Variants in FGF12 observed in about 807,000 individuals in gnomAD.
FGF12 encodes fibroblast growth factor 12B.
Under a neutral mutation model 23.6 loss-of-function variants are expected in FGF12, and 14 were observed. The ratio of observed to expected loss-of-function variants is 0.59; its 90% CI spans 0.39 to 0.93. FGF12 has a LOEUF of 0.93. FGF12 is among the 40% of genes least tolerant of loss of function. The pLI, the probability that FGF12 is intolerant of heterozygous loss-of-function variation, is 0.00. For synonymous variants in FGF12, 62 were observed against 77.3 expected (o/e 0.80, Z 1.04); for missense variants, 175 against 217.8 (o/e 0.80, Z 1.24).
intron 2 of FGF12, among the ~76,000 whole-genome samples, chr3:192,662,403 A>G (rs1004029778): frequency 1.3e-5 from 2 of 152,166 alleles, no homozygotes; most frequent in African/African-American, 4.8e-5. Flanking sequence ...AGCCTCCAAT[A>G]ACTTCAATAA....
intron 2 of FGF12, among the ~76,000 whole-genome samples, chr3:192,712,236 T>C (rs1718711788): frequency 6.6e-6 from 1 of 150,792 alleles, no homozygotes; most frequent in African/African-American, 2.4e-5. Flanking sequence ...ATCCAAAATA[T>C]AAACAAGTAA....
intron 2 of FGF12, among the ~76,000 whole-genome samples, chr3:192,682,240 A>C (rs1169899519): frequency 6.6e-6 from 1 of 152,236 alleles, no homozygotes; most frequent in South Asian, 2.1e-4. Context: ...CAGACACCCA[A>C]TATTATCTGC....
intron 2 of FGF12, among the ~76,000 whole-genome samples, chr3:192,709,187 T>G (rs1718585653): frequency 6.6e-6 from 1 of 152,148 alleles, no homozygotes; most frequent in African/African-American, 2.4e-5. Context: ...TCCCCTGAAT[T>G]TGCTGGCTGA....
At chr3:192,397,673 G>T (rs1319893157) in intron 2 of FGF12, among the ~76,000 whole-genome samples, 1 of 152,178 alleles carries the variant, frequency 6.6e-6, no homozygotes, top group Admixed American at 6.5e-5. Flanking sequence ...CTCTGTGGGT[G>T]ACTCTGGGTG....
chr3:192,441,113 G>A (rs1378943903), intron 2 of FGF12, among the ~76,000 whole-genome samples: 1 of 152,150 alleles, frequency 6.6e-6, no homozygotes, highest in Non-Finnish European at 1.5e-5. Context: ...TGCCAGTATT[G>A]CCACTTAACT....
At chr3:192,379,379 C>T (rs1466982773) in intron 2 of FGF12, among the ~76,000 whole-genome samples, 1 of 149,710 alleles carries the variant, frequency 6.7e-6, no homozygotes, top group Non-Finnish European at 1.5e-5. Context: ...ATAAGAAATC[C>T]CTACACCTTC....
intron 2 of FGF12, among the ~76,000 whole-genome samples, chr3:192,619,940 G>T (rs757535522): frequency 2.0e-5 from 3 of 152,106 alleles, no homozygotes; most frequent in Non-Finnish European, 2.9e-5. Context: ...TAACCCTTGG[G>T]GACAGGTAGC....
At chr3:192,343,321 T>A (rs550226186) in intron 3 of FGF12, among the ~76,000 whole-genome samples, 30 of 152,256 alleles carry the variant, frequency 2.0e-4, no homozygotes, top group Middle Eastern at 6.8e-3. Flanking sequence ...ATTTCCCACA[T>A]CTCAAAATGT....
chr3:192,219,661 C>A (rs1266426366), intron 4 of FGF12, among the ~76,000 whole-genome samples: 11 of 151,990 alleles, frequency 7.2e-5, no homozygotes, highest in Admixed American at 2.6e-4. Flanking sequence ...TGCAAATTAT[C>A]AGGCCATATC....
intron 2 of FGF12, among the ~76,000 whole-genome samples, chr3:192,575,808 G>A (rs1425208390): frequency 6.6e-5 from 10 of 151,830 alleles, no homozygotes; most frequent in Non-Finnish European, 1.3e-4. Context: ...GTAGGGTGTT[G>A]AGAAGCTTTA....
intron 4 of FGF12, among the ~76,000 whole-genome samples, chr3:192,246,607 T>C (rs1430813073): frequency 6.6e-6 from 1 of 152,016 alleles, no homozygotes; most frequent in Non-Finnish European, 1.5e-5. Flanking sequence ...GTGGATCACC[T>C]GAGGTCAGGA....
intron 4 of FGF12, among the ~76,000 whole-genome samples, chr3:192,302,178 G>C (rs1715387152): frequency 6.6e-6 from 1 of 152,158 alleles, no homozygotes; most frequent in Admixed American, 6.6e-5. Context: ...AGCCCTCTGG[G>C]TGGCCTTAGG....
intron 2 of FGF12, among the ~76,000 whole-genome samples, chr3:192,588,349 C>CAAAAAAAAAAAAAAA (rs1201739223): frequency 1.5e-5 from 1 of 66,982 alleles, no homozygotes; most frequent in Non-Finnish European, 2.8e-5. Context: ...CAATCCGTCT[C>CAAAAAAAAAAAAAAA]AAAAAAAAAA....
chr3:192,337,118 T>C (rs1560075914), intron 3 of FGF12, among the ~76,000 whole-genome samples: 2 of 152,166 alleles, frequency 1.3e-5, no homozygotes, highest in Non-Finnish European at 2.9e-5. Flanking sequence ...AGACAAAGTC[T>C]AGTTGGGGAG....
chr3:192,174,810 T>C (rs984760431), intron 4 of FGF12, among the ~76,000 whole-genome samples: 1 of 152,056 alleles, frequency 6.6e-6, no homozygotes, highest in Non-Finnish European at 1.5e-5. Context: ...TTTAGGTAAG[T>C]GATTACAATT....
chr3:192,618,169 TA>T (rs1246307008), intron 2 of FGF12, among the ~76,000 whole-genome samples: 1 of 151,848 alleles, frequency 6.6e-6, no homozygotes, highest in African/African-American at 2.4e-5. Context: ...TTTCTTATTG[TA>T]CGTTTTTCTG....
chr3:192,408,892 T>A lies in FGF12; in HGVS notation c.14-48354A>T, dbSNP rs1024678504. ...TCCCAGCAGGGTGAGGTCTACAGAA[T>A]GCATCGCGCCGGCTGCGGCTTTCCA... is the stretch of plus-strand genomic sequence containing the variant. On this transcript the variant is annotated intron_variant, in intron 2 of 5. Transcript: ENST00000445105. The surrounding 1 kb of genome is among the most constrained non-coding windows in gnomAD (Gnocchi z 7.3). 1 of 985,302 alleles carries A rather than the reference T, an allele frequency of 1.0e-6. No homozygotes were observed. The highest frequency in any genetic ancestry group is 1.2e-6 in the Non-Finnish European group (1 of 829,960). 61.0% of individuals were successfully genotyped at this position (985,302 alleles called of 1,614,324 possible).
chr3:192,383,660 G>T (rs989316422), intron 2 of FGF12, among the ~76,000 whole-genome samples: 1 of 152,048 alleles, frequency 6.6e-6, no homozygotes, highest in African/African-American at 2.4e-5. Context: ...TTGTGCAAAG[G>T]TGTTTAGGTT....
At chr3:192,428,458 A>G (rs945793575) in intron 2 of FGF12, among the ~76,000 whole-genome samples, 2 of 152,148 alleles carry the variant, frequency 1.3e-5, no homozygotes, top group African/African-American at 4.8e-5. Context: ...TGTCAAACAG[A>G]TAATTATGAG....
Sources: gnomAD v4.1 joint callset for allele counts (sites outside exome capture counted in the v4.1 genomes callset) on GRCh38, gnomAD v4.1.1 for gene constraint, Gnocchi (gnomAD v3.1) non-coding constraint, MANE v1.5 for transcripts, NCBI Gene and HGNC (gene_info 2026-07-23, HGNC 2026-07-21) for gene names.